The following PAH variants were observed in gnomAD, a reference collection of about 807,000 sequenced individuals.
The protein encoded by PAH is phenylalanine-4-hydroxylase.
PAH carries 64 observed loss-of-function variants against 62.0 expected under a neutral mutation model. That is an observed-to-expected ratio of 1.03 (90% confidence interval 0.84 to 1.27). PAH has a LOEUF of 1.27. PAH is among the 50% of genes most tolerant of loss of function. PAH has a pLI of 0.00. For synonymous variants in PAH, 195 were observed against 196.2 expected (o/e 0.99, Z 0.05); for missense variants, 579 against 542.8 (o/e 1.07, Z -0.66).
chr12:102,861,966 TA>T (rs71097947), intron 5 of PAH, among the ~76,000 whole-genome samples: 4,587 of 128,436 alleles, frequency 0.036, 178 homozygotes, highest in African/African-American at 0.097. Flanking sequence ...ACTTAAAGTA[TA>T]AAAAAAAAAA....
intron 2 of PAH, among the ~76,000 whole-genome samples, chr12:102,911,045 G>T (rs1432948707): frequency 6.6e-6 from 1 of 152,154 alleles, no homozygotes; most frequent in African/African-American, 2.4e-5. Flanking sequence ...ATCTCTTGGG[G>T]GATAGCTCAT....
intron 11 of PAH, among the ~76,000 whole-genome samples, chr12:102,842,484 G>T (rs576179082): frequency 7.2e-5 from 11 of 152,168 alleles, no homozygotes; most frequent in Non-Finnish European, 1.3e-4. Context: ...CCTCTTTGAA[G>T]TCTCTTTATT....
At chr12:102,951,458 T>G (rs1048678294), upstream of PAH, among the ~76,000 whole-genome samples, 3 of 152,200 alleles carry the variant, frequency 2.0e-5, no homozygotes, top group African/African-American at 7.2e-5. Context: ...GCACCCTAAC[T>G]TCTCCATTAA....
intron 4 of PAH, among the ~76,000 whole-genome samples, chr12:102,871,441 AT>A (rs1327410565): frequency 1.3e-5 from 2 of 152,126 alleles, no homozygotes; most frequent in Non-Finnish European, 2.9e-5. Context: ...ATAAGTCACT[AT>A]CTGTTCTTTC....
chr12:102,953,122 A>T (rs1294955889), upstream of PAH, among the ~76,000 whole-genome samples: 1 of 152,174 alleles, frequency 6.6e-6, no homozygotes. Context: ...GAAGATGAAT[A>T]TTGGCTATGA....
At chr12:102,942,904 C>T (rs1208633038) in intron 1 of PAH, among the ~76,000 whole-genome samples, 2 of 152,132 alleles carry the variant, frequency 1.3e-5, no homozygotes, top group South Asian at 2.1e-4. Context: ...TCACCATATA[C>T]AAAAGTCAAC....
At chr12:102,900,520 T>G (rs61942045) in intron 2 of PAH, among the ~76,000 whole-genome samples, 26,256 of 152,168 alleles carry the variant, frequency 0.17, 2,634 homozygotes, top group Admixed American at 0.33. Flanking sequence ...ATGTAACTGC[T>G]ACTTACTTGG....
At chr12:102,937,428 T>A (rs1265973567) in intron 1 of PAH, among the ~76,000 whole-genome samples, 2 of 152,104 alleles carry the variant, frequency 1.3e-5, no homozygotes, top group Admixed American at 1.3e-4. Context: ...TGTTATATGG[T>A]TTTTTATTTG....
At chr12:102,863,964 C>T (rs962657818) in intron 5 of PAH, among the ~76,000 whole-genome samples, 1 of 152,142 alleles carries the variant, frequency 6.6e-6, no homozygotes, top group Non-Finnish European at 1.5e-5. Flanking sequence ...CTGGCTCTGC[C>T]TCCAATTCAC....
intron 3 of PAH, among the ~76,000 whole-genome samples, chr12:102,889,798 T>A (rs1375800366): frequency 1.3e-5 from 2 of 152,202 alleles, no homozygotes; most frequent in Non-Finnish European, 2.9e-5. Flanking sequence ...CTGGCTGCAA[T>A]CTCTCTCCAC....
At chr12:102,919,791 A>G (rs950819041), upstream of PAH, among the ~76,000 whole-genome samples, 6 of 151,994 alleles carry the variant, frequency 3.9e-5, no homozygotes, top group Non-Finnish European at 8.8e-5. Flanking sequence ...ATTCTTTTTT[A>G]TTGCTGAATA....
chr12:102,911,945 CA>C (rs1413185144), intron 2 of PAH, among the ~76,000 whole-genome samples: 2 of 152,166 alleles, frequency 1.3e-5, no homozygotes, highest in Non-Finnish European at 2.9e-5. Context: ...AAAATATTAG[CA>C]TAGTACTCGG....
chr12:102,878,544 C>G (rs10860934), intron 3 of PAH, among the ~76,000 whole-genome samples: 30,066 of 151,670 alleles, frequency 0.2, 4,149 homozygotes, highest in East Asian at 0.69. Context: ...TGAACAGAGA[C>G]AAGGGCATTT....
chr12:102,907,170 G>T (rs576169696), intron 2 of PAH, among the ~76,000 whole-genome samples: 3 of 152,306 alleles, frequency 2.0e-5, no homozygotes, highest in African/African-American at 7.2e-5. Context: ...GTAGTTAATT[G>T]TCTTGCATTT....
rs184349279 is a variant in PAH at position 102,848,843 on chromosome 12, G to A, written c.913-1892C>T. On this transcript the variant is annotated intron_variant, in intron 8 of 12. Coordinates refer to ENST00000553106, the MANE Select transcript of PAH (RefSeq NM_000277.3). ...AGTGTAGACACAATACCAGGGCACC[G>A]AAAGGCTGAGGGTTAAAGGGACACC... Among the ~76,000 whole-genome samples the A allele has an allele frequency of 1.6e-3, 243 of 151,648 alleles. 1 individual carries two copies. Among genetic ancestry groups the A allele is most frequent in the Middle Eastern group, 0.01 (3 of 294 alleles).
intron 1 of PAH, among the ~76,000 whole-genome samples, chr12:102,940,185 C>G (rs1039495349): frequency 6.6e-6 from 1 of 152,184 alleles, no homozygotes; most frequent in Non-Finnish European, 1.5e-5. Context: ...CAATTGACTG[C>G]TCAAATGACA....
chr12:102,947,193 G>A (rs1343680340), intron 1 of PAH, among the ~76,000 whole-genome samples: 1 of 152,098 alleles, frequency 6.6e-6, no homozygotes, highest in African/African-American at 2.4e-5. Context: ...GTATATGTGT[G>A]TGTGTGTCTG....
chr12:102,914,806 G>C (rs1323078902), intron 1 of PAH, among the ~76,000 whole-genome samples: 1 of 152,180 alleles, frequency 6.6e-6, no homozygotes, highest in Non-Finnish European at 1.5e-5. Context: ...GCTTGAAGTT[G>C]AGTCACCCCC....
intron 3 of PAH, among the ~76,000 whole-genome samples, chr12:102,878,994 C>T (rs1222900102): frequency 6.6e-6 from 1 of 152,082 alleles, no homozygotes; most frequent in Non-Finnish European, 1.5e-5. Flanking sequence ...GAAGTGAGTG[C>T]AAGGCTTCCA....
Sources: gnomAD v4.1 joint callset for allele counts (sites outside exome capture counted in the v4.1 genomes callset) on GRCh38, gnomAD v4.1.1 for gene constraint, MANE v1.5 for transcripts, NCBI Gene and HGNC (gene_info 2026-07-23, HGNC 2026-07-21) for gene names.